Variants in ZNF578 observed in about 807,000 individuals in gnomAD.
ZNF578 encodes zinc finger protein 578.
A neutral mutation model predicts 8.3 loss-of-function variants in ZNF578; 8 were observed. The ratio of observed to expected loss-of-function variants is 0.96; its 90% CI spans 0.56 to 1.74. ZNF578 has a LOEUF of 1.74. Among genes scored for constraint, ZNF578 ranks in the 40% most tolerant of loss-of-function variants. The pLI is 0.00. For missense variants in ZNF578, 726 were observed against 707.5 expected (o/e 1.03, Z -0.30); for synonymous variants, 206 against 232.2 (o/e 0.89, Z 1.03).
intron 3 of ZNF578, among the ~76,000 whole-genome samples, chr19:52,496,564 C>T (rs1256534208): frequency 2.0e-5 from 3 of 150,222 alleles, no homozygotes; most frequent in African/African-American, 4.9e-5. Context: ...CTCCTGACCT[C>T]GTGATCCGCC....
intron 2 of ZNF578, among the ~76,000 whole-genome samples, chr19:52,471,965 A>T (rs940469894): frequency 1.3e-5 from 2 of 152,002 alleles, no homozygotes; most frequent in Non-Finnish European, 2.9e-5. Flanking sequence ...ACATTATTAC[A>T]GTATTTTTAC....
At chr19:52,490,391 AG>A (rs1425677099) in intron 2 of ZNF578, among the ~76,000 whole-genome samples, 15 of 152,286 alleles carry the variant, frequency 9.8e-5, no homozygotes, top group Non-Finnish European at 4.4e-5. Flanking sequence ...TTTAAGTAGA[AG>A]TTGTGGCTTT....
intron 1 of ZNF578, chr19:52,453,986 C>G (rs545725317): frequency 6.6e-6 from 1 of 152,310 alleles, no homozygotes; most frequent in Non-Finnish European, 1.5e-5. Flanking sequence ...GCCGTGTCCT[C>G]TGCCCGGCCC....
At chr19:52,501,666 G>A (rs535519931) in intron 3 of ZNF578, among the ~76,000 whole-genome samples, 161 bp from the exon 4 acceptor site, 1 of 152,256 alleles carries the variant, frequency 6.6e-6, no homozygotes, top group South Asian at 2.1e-4. Flanking sequence ...ACACTTATAG[G>A]TCTTCCTGTG....
In ZNF578 at chr19:52,511,926, A is replaced by C; in HGVS notation, c.1545A>C (p.Glu515Asp). ...HSGEKPYKCN[E>D]CGKTFNVQSH... ...GTGAGAAACCTTACAAGTGTAATGAATGTGGGAAGACTTTTAATGTACAGT... is the reference window on the plus strand; with the variant it reads ...GTGAGAAACCTTACAAGTGTAATGACTGTGGGAAGACTTTTAATGTACAGT... The change falls in exon 6 of 6, where the codon GAA (glutamate) becomes GAC (aspartate). Residue 515 changes from glutamate to aspartate, a missense_variant. By Grantham distance (45) the Glu-to-Asp change is conservative (BLOSUM62 2). Transcript: ENST00000421239. The C allele has an allele frequency of 1.9e-6, 3 of 1,613,406 alleles. No individual in the cohort carries two copies. The highest frequency in any genetic ancestry group is 2.5e-6 in the Non-Finnish European group (3 of 1,179,818).
At chr19:52,502,296 G>C (rs184628151) in intron 4 of ZNF578, among the ~76,000 whole-genome samples, 1 of 152,176 alleles carries the variant, frequency 6.6e-6, no homozygotes, top group Non-Finnish European at 1.5e-5. Flanking sequence ...TATGAAATAC[G>C]TATGTTAATG....
At chr19:52,507,891 A>G (rs2059430840) in intron 5 of ZNF578, among the ~76,000 whole-genome samples, 1 of 151,838 alleles carries the variant, frequency 6.6e-6, no homozygotes, top group South Asian at 2.1e-4. Context: ...CTCTACTAAA[A>G]CTACAAAATT....
intron 2 of ZNF578, among the ~76,000 whole-genome samples, chr19:52,480,414 G>A (rs984271779): frequency 6.6e-6 from 1 of 152,094 alleles, no homozygotes; most frequent in Non-Finnish European, 1.5e-5. Context: ...CATAAAAGCT[G>A]TTTATCTCTG....
intron 2 of ZNF578, among the ~76,000 whole-genome samples, chr19:52,479,540 C>A (rs1284244778): frequency 3.0e-5 from 3 of 99,650 alleles, no homozygotes; most frequent in Non-Finnish European, 5.4e-5. Flanking sequence ...GAGACTCCAT[C>A]TCAAAAAAAA....
intron 5 of ZNF578, among the ~76,000 whole-genome samples, chr19:52,506,261 C>T (rs2059425221): frequency 6.6e-6 from 1 of 152,064 alleles, no homozygotes; most frequent in East Asian, 1.9e-4. Flanking sequence ...ACATTTTCCT[C>T]ATGTATTTAT....
At chr19:52,499,201 G>A (rs903037605) in intron 3 of ZNF578, among the ~76,000 whole-genome samples, 3 of 152,156 alleles carry the variant, frequency 2.0e-5, no homozygotes, top group African/African-American at 7.2e-5. Flanking sequence ...CCCCTGAAAC[G>A]ACTGACAAAA....
At chr19:52,492,896 G>A (rs1435809037) in intron 3 of ZNF578, 2 of 152,272 alleles carry the variant, frequency 1.3e-5, no homozygotes, top group Non-Finnish European at 2.9e-5. Flanking sequence ...TTAAGTCTGC[G>A]CTTCCCAGGT....
At position 52,500,849 on chromosome 19, in the gene ZNF578, T is replaced by G. The variant is rs139541528; in HGVS notation, c.-19-978T>G. ...TTTTGGGCCCCAAGATTTATTTTCC[T>G]CTGGTCCACATTGACTGTTTTGTGT... On this transcript the variant is annotated intron_variant, in intron 3 of 5. Coordinates refer to ENST00000421239, the MANE Select transcript of ZNF578 (RefSeq NM_001099694.2). Among the ~76,000 whole-genome samples, 606 of 150,134 alleles carry G rather than the reference T, an allele frequency of 4.0e-3. 4 individuals carry two copies. The highest frequency in any genetic ancestry group is 0.014 in the African/African-American group (581 of 40,922).
chr19:52,482,376 G>C (rs569365063), intron 2 of ZNF578, among the ~76,000 whole-genome samples: 26 of 151,592 alleles, frequency 1.7e-4, no homozygotes, highest in African/African-American at 6.3e-4. Context: ...GGTGGCTCAC[G>C]CCAGTAATCC....
At chr19:52,505,923 A>T (rs1470748219) in intron 5 of ZNF578, among the ~76,000 whole-genome samples, 1 of 146,512 alleles carries the variant, frequency 6.8e-6, no homozygotes, top group Non-Finnish European at 1.5e-5. Context: ...TTTGAGTCAG[A>T]GTCTCACTCT....
intron 3 of ZNF578, among the ~76,000 whole-genome samples, chr19:52,493,652 A>G (rs142610681): frequency 0.011 from 1,716 of 152,086 alleles, 11 homozygotes; most frequent in African/African-American, 0.016. Flanking sequence ...GCGGTAATAT[A>G]TAGAGATTGA....
chr19:52,512,295 A>G lies in ZNF578; in HGVS notation c.*141A>G. On this transcript the variant is annotated 3_prime_UTR_variant, in exon 6 of 6. Transcript: ENST00000421239. Reference sequence around the variant, plus strand: ...AATGAGTGTGGCAAAGCCTTTAGTGACCAGTCAACACTTACCATCAGGCCA... The same window carrying G: ...AATGAGTGTGGCAAAGCCTTTAGTGGCCAGTCAACACTTACCATCAGGCCA... 6.4e-7 allele frequency: 1 copy of G among 1,558,462 alleles called. No homozygotes were observed. The highest frequency in any genetic ancestry group is 8.8e-7 in the Non-Finnish European group (1 of 1,130,436).
In ZNF578 at chr19:52,505,632, G is replaced by A. The variant is rs1390632867; in HGVS notation, c.190+851G>A. On this transcript the variant is annotated intron_variant, in intron 5 of 5. Transcript: ENST00000421239. The stretch of plus-strand genomic sequence containing the variant: ...GTAGAGACGGGGTTTCACCGTGTTA[G>A]CCAAGATGCTCTCGATCTCCTGACC... 4.0e-5 allele frequency among the ~76,000 whole-genome samples: 6 copies of A among 151,814 alleles called. No homozygotes were observed. The South Asian group carries it at 6.2e-4, about 16-fold the overall frequency.
At chr19:52,454,505 A>AC (rs2059233202) in intron 1 of ZNF578, 1 of 152,218 alleles carries the variant, frequency 6.6e-6, no homozygotes, top group Admixed American at 6.5e-5. Flanking sequence ...GATTCCCATG[A>AC]CCCAGTCTTC....
Sources: allele counts gnomAD v4.1 joint callset (sites outside exome capture counted in the v4.1 genomes callset), GRCh38; gene constraint gnomAD v4.1.1; transcripts MANE v1.5; gene names NCBI Gene and HGNC (gene_info 2026-07-23, HGNC 2026-07-21).